The following NR5A2 variants were observed in gnomAD, a reference collection of about 807,000 sequenced individuals.
The protein encoded by NR5A2 is nuclear receptor subfamily 5 group A member 2.
In NR5A2, 26 loss-of-function variants were observed where a neutral mutation model predicts 62.7. That is an observed-to-expected ratio of 0.41 (90% CI 0.30 to 0.58). The LOEUF is 0.58. Among genes scored for constraint, NR5A2 ranks in the 20% least tolerant of loss-of-function variants. The pLI is 0.22. For missense variants in NR5A2, 541 were observed against 669.1 expected, an observed-to-expected ratio of 0.81 and a Z score of 2.11; for synonymous variants, 246 against 241.7, an observed-to-expected ratio of 1.02 and a Z score of -0.16.
chr1:200,041,365 C>CA lies in NR5A2; in HGVS notation c.202+1571dup, dbSNP rs549906674. Among the ~76,000 whole-genome samples, 850 of 152,296 alleles carry CA rather than the reference C, an allele frequency of 5.6e-3. 9 individuals are homozygous for CA. Among genetic ancestry groups the CA allele is most frequent in the African/African-American group, 0.019 (800 of 41,560 alleles). ...CTGGGCTCAGAAGTCGCCACTCACT[C>CA]AGCCCATGGTTCGAAATCAGCATGG... is the stretch of plus-strand genomic sequence containing the variant. On this transcript the variant is annotated intron_variant, in intron 2 of 7. Transcript: ENST00000367362.
intron 5 of NR5A2, among the ~76,000 whole-genome samples, chr1:200,069,114 C>T (rs1399945922): frequency 2.6e-5 from 4 of 152,164 alleles, no homozygotes. Context: ...CTCACCTAGA[C>T]TAGCTGATAC....
At chr1:200,108,330 G>A (rs748690747) in intron 5 of NR5A2, among the ~76,000 whole-genome samples, 6 of 151,916 alleles carry the variant, frequency 3.9e-5, no homozygotes, top group Non-Finnish European at 8.8e-5. Flanking sequence ...CTCCCACCTC[G>A]GCCTCCCAAA....
intron 5 of NR5A2, among the ~76,000 whole-genome samples, chr1:200,074,756 A>AAAAAAAAAAAAAAAAAAAAAAAC (rs1304164782): frequency 7.3e-6 from 1 of 137,692 alleles, no homozygotes; most frequent in African/African-American, 2.7e-5. Context: ...AAAAAAAAAA[A>AAAAAAAAAAAAAAAAAAAAAAAC]CACGAGAGAA....
intron 7 of NR5A2, among the ~76,000 whole-genome samples, chr1:200,152,624 A>G (rs529688832): frequency 6.6e-6 from 1 of 152,278 alleles, no homozygotes; most frequent in African/African-American, 2.4e-5. Flanking sequence ...ATTTTTGGGC[A>G]TCTGTTTTGT....
chr1:200,111,397 G>A (rs1363710660), intron 6 of NR5A2, 76 bp downstream of exon 6: 3 of 1,498,798 alleles, frequency 2.0e-6, no homozygotes, highest in South Asian at 2.5e-5. Context: ...ATTTAACTAG[G>A]TCAGAAGCAC....
chr1:200,096,218 G>C (rs1665091252), intron 5 of NR5A2, among the ~76,000 whole-genome samples: 1 of 152,108 alleles, frequency 6.6e-6, no homozygotes, highest in Non-Finnish European at 1.5e-5. Flanking sequence ...CTCCTGAGTA[G>C]CCAGGACTAC....
At chr1:200,075,515 A>C (rs1663983931) in intron 5 of NR5A2, among the ~76,000 whole-genome samples, 1 of 152,272 alleles carries the variant, frequency 6.6e-6, no homozygotes, top group African/African-American at 2.4e-5. Context: ...TGCAGCATGC[A>C]AGTAGTTTAG....
chr1:200,130,652 T>G (rs1369044906), intron 7 of NR5A2, among the ~76,000 whole-genome samples: 1 of 152,258 alleles, frequency 6.6e-6, no homozygotes, highest in Non-Finnish European at 1.5e-5. Context: ...TTTTGCTTGG[T>G]AGCTGCATAA....
chr1:200,143,935 G>C (rs556667171), intron 7 of NR5A2, among the ~76,000 whole-genome samples: 1 of 151,862 alleles, frequency 6.6e-6, no homozygotes, highest in Non-Finnish European at 1.5e-5. Flanking sequence ...CACCATGCCC[G>C]GCTACTGTTC....
intron 1 of NR5A2, among the ~76,000 whole-genome samples, chr1:200,028,169 G>C (rs189601674): frequency 2.0e-5 from 3 of 152,030 alleles, no homozygotes; most frequent in African/African-American, 7.2e-5. Flanking sequence ...TAATCAGCCA[G>C]AAAATATAAT....
At chr1:200,168,195 T>C (rs530055859) in intron 7 of NR5A2, among the ~76,000 whole-genome samples, 5 of 151,262 alleles carry the variant, frequency 3.3e-5, no homozygotes, top group Non-Finnish European at 5.9e-5. Context: ...ATATAGTATA[T>C]ACACTTTATA....
chr1:200,054,312 C>T (rs1662810094), intron 5 of NR5A2: 1 of 151,848 alleles, frequency 6.6e-6, no homozygotes, highest in Non-Finnish European at 1.5e-5. Context: ...TTGTATTCTG[C>T]TGAAAGAGCT....
intron 5 of NR5A2, among the ~76,000 whole-genome samples, chr1:200,095,178 A>G (rs1665027282): frequency 6.6e-6 from 1 of 150,726 alleles, no homozygotes; most frequent in Non-Finnish European, 1.5e-5. Flanking sequence ...GTGCAGTGGT[A>G]TACTCATAGC....
intron 7 of NR5A2, among the ~76,000 whole-genome samples, chr1:200,134,903 T>G (rs1667143057): frequency 6.6e-6 from 1 of 152,194 alleles, no homozygotes; most frequent in Non-Finnish European, 1.5e-5. Context: ...CTTCCTGTCT[T>G]CCAAAATTAA....
intron 5 of NR5A2, among the ~76,000 whole-genome samples, chr1:200,060,937 AC>A (rs1343896621): frequency 9.7e-6 from 1 of 103,510 alleles, no homozygotes; most frequent in African/African-American, 5.4e-5. Context: ...CCCCATCTCT[AC>A]TAAAAAAAAA....
At chr1:200,045,627 G>A (rs1662324077) in intron 4 of NR5A2, 43 bp downstream of exon 4, 1 of 1,535,244 alleles carries the variant, frequency 6.5e-7, no homozygotes, top group Non-Finnish European at 8.8e-7. Flanking sequence ...AACTCTCCAA[G>A]GACATGAACT....
At chr1:200,118,408 TTGTCC>T (rs1666338881) in intron 6 of NR5A2, among the ~76,000 whole-genome samples, 1 of 152,218 alleles carries the variant, frequency 6.6e-6, no homozygotes, top group African/African-American at 2.4e-5. Context: ...ATTGTTAATC[TTGTCC>T]CATCTATGAT....
intron 5 of NR5A2, among the ~76,000 whole-genome samples, chr1:200,053,573 A>G (rs74136123): frequency 0.068 from 9,360 of 137,464 alleles, 305 homozygotes; most frequent in Non-Finnish European, 0.08. Context: ...GCACACGCAC[A>G]CACACACACA....
rs899566737 is a variant in NR5A2 at position 200,173,582 on chromosome 1, A to G, written c.1379-381A>G. ...GTCAGAAAAATTAATACAGAATTATATGAATTGTGTAATATACTGGGTTAA... is the reference window on the plus strand; with the variant it reads ...GTCAGAAAAATTAATACAGAATTATGTGAATTGTGTAATATACTGGGTTAA... On this transcript the variant is annotated intron_variant, in intron 7 of 7. Coordinates refer to ENST00000367362, the MANE Select transcript of NR5A2 (RefSeq NM_205860.3). Among the ~76,000 whole-genome samples, 3 of 152,358 alleles carry G rather than the reference A, an allele frequency of 2.0e-5. No individual in the cohort carries two copies. In the East Asian group the frequency reaches 5.8e-4, roughly 29 times the overall value.
Sources: gnomAD v4.1 joint callset for allele counts (sites outside exome capture counted in the v4.1 genomes callset) on GRCh38, gnomAD v4.1.1 for gene constraint, MANE v1.5 for transcripts, NCBI Gene and HGNC (gene_info 2026-07-23, HGNC 2026-07-21) for gene names.